The following TANC1 variants were observed in gnomAD, a reference collection of about 807,000 sequenced individuals.
The protein encoded by TANC1 is tetratricopeptide repeat, ankyrin repeat and coiled-coil containing 1.
Under a neutral mutation model 149.7 loss-of-function variants are expected in TANC1, and 77 were observed. That is an observed-to-expected ratio of 0.51 (90% CI 0.43 to 0.62). The LOEUF is 0.62. Among genes scored for constraint, TANC1 ranks in the 20% least tolerant of loss-of-function variants. TANC1 has a pLI of 0.00. For missense variants in TANC1, 1,985 were observed against 2,321.8 expected (o/e 0.85, Z 2.98); for synonymous variants, 854 against 925.0 (o/e 0.92, Z 1.39).
intron 3 of TANC1, among the ~76,000 whole-genome samples, chr2:159,091,075 G>A (rs896991876): frequency 2.6e-5 from 4 of 151,916 alleles, no homozygotes; most frequent in African/African-American, 9.7e-5. Flanking sequence ...AGTACTGTGC[G>A]TAGACCTACA....
chr2:159,131,469 C>G (rs987153758), intron 4 of TANC1, among the ~76,000 whole-genome samples: 1 of 152,122 alleles, frequency 6.6e-6, no homozygotes, highest in Non-Finnish European at 1.5e-5. Context: ...GGCCTGCTGT[C>G]ACCGAGGCTC....
intron 2 of TANC1, among the ~76,000 whole-genome samples, chr2:159,062,990 A>G (rs1219803029): frequency 2.0e-5 from 3 of 147,834 alleles, no homozygotes; most frequent in Admixed American, 2.0e-4. Context: ...AAAAAAAAAA[A>G]AAAAAGAAAG....
chr2:159,097,966 A>C, intron 4 of TANC1, 132 bp downstream of exon 4: 2 of 762,458 alleles, frequency 2.6e-6, no homozygotes, highest in Non-Finnish European at 2.0e-6. Context: ...TAGAAGAAAT[A>C]AATCTTTTTT....
At chr2:159,119,671 T>C (rs2048649616) in intron 4 of TANC1, among the ~76,000 whole-genome samples, 1 of 152,174 alleles carries the variant, frequency 6.6e-6, no homozygotes. Context: ...ATGCGGTAGC[T>C]GAGAGGTCAC....
At chr2:159,176,729 T>G (rs2055895704) in intron 13 of TANC1, among the ~76,000 whole-genome samples, 1 of 152,158 alleles carries the variant, frequency 6.6e-6, no homozygotes, top group African/African-American at 2.4e-5. Flanking sequence ...GTAAGTTTCC[T>G]GTTGGCATCG....
intron 4 of TANC1, among the ~76,000 whole-genome samples, chr2:159,116,562 C>T (rs1440920304): frequency 2.0e-5 from 3 of 152,098 alleles, no homozygotes; most frequent in Non-Finnish European, 4.4e-5. Context: ...GTAAATATCT[C>T]AGGCTTTGAG....
chr2:159,148,279 T>C (rs1389769540), intron 5 of TANC1: 1 of 152,236 alleles, frequency 6.6e-6, no homozygotes, highest in Non-Finnish European at 1.5e-5. Flanking sequence ...TAGAAGGATG[T>C]GAATATCGTT....
intron 4 of TANC1, among the ~76,000 whole-genome samples, chr2:159,122,805 G>A (rs960307982): frequency 4.8e-5 from 7 of 146,390 alleles, no homozygotes; most frequent in Non-Finnish European, 1.1e-4. Flanking sequence ...TTTCCAAAGT[G>A]GTTCTACCAT....
intron 3 of TANC1, among the ~76,000 whole-genome samples, chr2:159,077,873 T>C (rs967786088): frequency 6.6e-6 from 1 of 152,204 alleles, no homozygotes; most frequent in Admixed American, 6.5e-5. Flanking sequence ...CTAGGTTTTG[T>C]CAAATTGTCC....
chr2:159,013,807 A>G (rs909549054), intron 2 of TANC1, among the ~76,000 whole-genome samples: 3 of 152,208 alleles, frequency 2.0e-5, no homozygotes, highest in African/African-American at 4.8e-5. Flanking sequence ...GATGGCTTGA[A>G]TAACAGAAAT....
In TANC1 at chr2:159,114,876, G is replaced by A. The variant is rs182259540; in HGVS notation, c.259+17042G>A. 9.2e-5 allele frequency among the ~76,000 whole-genome samples: 14 copies of A among 152,242 alleles called. 1 individual carries two copies. The East Asian group carries it at 2.5e-3, about 27-fold the overall frequency. On this transcript the variant is annotated intron_variant, in intron 4 of 26. Coordinates refer to ENST00000263635, the MANE Select transcript of TANC1 (RefSeq NM_033394.3). Reference sequence around the variant, plus strand: ...ATGGGTGGATATGATGACTTTTGGTGGTGATCTTTATTTTTGCAAATGGCC... The same window carrying A: ...ATGGGTGGATATGATGACTTTTGGTAGTGATCTTTATTTTTGCAAATGGCC...
chr2:159,156,838 T>TCTG (rs386391615), intron 7 of TANC1, among the ~76,000 whole-genome samples: 2 of 151,374 alleles, frequency 1.3e-5, no homozygotes, highest in Non-Finnish European at 3.0e-5. Context: ...TCTGGAGACT[T>TCTG]CTCAGTTGGG....
At chr2:159,166,467 TATG>T (rs1366823582) in intron 8 of TANC1, among the ~76,000 whole-genome samples, 2 of 151,838 alleles carry the variant, frequency 1.3e-5, no homozygotes, top group South Asian at 2.1e-4. Flanking sequence ...AGATGTTAGA[TATG>T]GTGTGTGTGT....
At chr2:159,010,728 T>C (rs1241894949) in intron 2 of TANC1, among the ~76,000 whole-genome samples, 1 of 151,900 alleles carries the variant, frequency 6.6e-6, no homozygotes, top group Non-Finnish European at 1.5e-5. Context: ...AAAGGCTTTT[T>C]TTTTTTTTTT....
intron 19 of TANC1, among the ~76,000 whole-genome samples, chr2:159,213,722 A>G (rs879646406): frequency 6.6e-6 from 1 of 152,124 alleles, no homozygotes; most frequent in Admixed American, 6.5e-5. Flanking sequence ...CTGTAGTTCT[A>G]AGAAATTATC....
intron 7 of TANC1, among the ~76,000 whole-genome samples, chr2:159,152,590 T>G (rs1228278412): frequency 6.6e-6 from 1 of 151,468 alleles, no homozygotes; most frequent in Non-Finnish European, 1.5e-5. Context: ...TCTGGGCTAA[T>G]GCAATCCTCC....
intron 7 of TANC1, among the ~76,000 whole-genome samples, chr2:159,155,851 A>G (rs991521097): frequency 1.3e-5 from 2 of 152,202 alleles, no homozygotes; most frequent in Non-Finnish European, 2.9e-5. Flanking sequence ...ATCTTGCTAG[A>G]GTTTGATAAT....
chr2:159,005,393 C>T (rs925183608), intron 2 of TANC1, among the ~76,000 whole-genome samples: 1 of 152,102 alleles, frequency 6.6e-6, no homozygotes, highest in African/African-American at 2.4e-5. Flanking sequence ...GAGTTTGAGA[C>T]CAGCCTGGGC....
At chr2:159,065,740 C>A (rs2042600082) in intron 2 of TANC1, among the ~76,000 whole-genome samples, 156 bp from the exon 3 acceptor site, 3 of 151,902 alleles carry the variant, frequency 2.0e-5, no homozygotes, top group Admixed American at 2.0e-4. Context: ...AGTTTCCCAC[C>A]ATAGTTTATT....
Sources: allele counts gnomAD v4.1 joint callset (sites outside exome capture counted in the v4.1 genomes callset), GRCh38; gene constraint gnomAD v4.1.1; transcripts MANE v1.5; gene names NCBI Gene and HGNC (gene_info 2026-07-23, HGNC 2026-07-21).